The following CHST9 variants were observed in gnomAD, a reference collection of about 807,000 sequenced individuals.
CHST9 encodes GalNAc-4-sulfotransferase 2.
In CHST9, 41 loss-of-function variants were observed where a neutral mutation model predicts 44.4. That is an observed-to-expected ratio of 0.92 (90% CI 0.72 to 1.20). The LOEUF (loss-of-function observed/expected upper bound fraction) is 1.20, where lower values mean the gene tolerates loss of function less well. Among genes scored for constraint, CHST9 ranks in the 50% most tolerant of loss-of-function variants. The pLI is 0.00. For missense variants in CHST9, 504 were observed against 516.5 expected (o/e 0.98, Z 0.23); for synonymous variants, 171 against 178.4 (o/e 0.96, Z 0.33).
intron 2 of CHST9, among the ~76,000 whole-genome samples, chr18:27,093,723 G>A (rs1359825016): frequency 6.6e-6 from 1 of 152,198 alleles, no homozygotes; most frequent in Non-Finnish European, 1.5e-5. Context: ...GCCTTGCCCT[G>A]CTTCAGCTCG....
At chr18:27,121,382 C>T (rs181237850) in intron 2 of CHST9, among the ~76,000 whole-genome samples, 1 of 152,074 alleles carries the variant, frequency 6.6e-6, no homozygotes, top group African/African-American at 2.4e-5. Flanking sequence ...GCCCCTACTC[C>T]CCCTCCCTGT....
At chr18:27,017,611 G>A (rs1372005313) in intron 4 of CHST9, among the ~76,000 whole-genome samples, 1 of 152,142 alleles carries the variant, frequency 6.6e-6, no homozygotes, top group Admixed American at 6.5e-5. Context: ...GTAGAAGAAG[G>A]GTAGGGAGGT....
intron 4 of CHST9, among the ~76,000 whole-genome samples, chr18:26,992,940 T>C (rs1291791129): frequency 1.3e-5 from 2 of 152,236 alleles, no homozygotes; most frequent in Admixed American, 6.5e-5. Context: ...CTCTTTTGTT[T>C]AGTTGAAGTT....
chr18:26,992,392 C>T (rs2056828915), intron 4 of CHST9, among the ~76,000 whole-genome samples: 1 of 152,104 alleles, frequency 6.6e-6, no homozygotes, highest in Non-Finnish European at 1.5e-5. Context: ...TTATTTACCA[C>T]TGAAGCTCCT....
At chr18:27,172,533 C>T (rs781542396) in intron 1 of CHST9, among the ~76,000 whole-genome samples, 3 of 151,876 alleles carry the variant, frequency 2.0e-5, no homozygotes, top group Non-Finnish European at 4.4e-5. Flanking sequence ...TCCATCTCCA[C>T]AACAATTTGT....
chr18:27,163,526 T>C (rs1016234388), intron 1 of CHST9, among the ~76,000 whole-genome samples: 3 of 152,138 alleles, frequency 2.0e-5, no homozygotes, highest in African/African-American at 7.2e-5. Flanking sequence ...GGCGCCCCTC[T>C]CCCAGCCTCA....
Position 26,906,629 on chromosome 18 carries a change from C to G in CHST9, c.*9630G>C, listed in dbSNP as rs921592921. On this transcript the variant is annotated 3_prime_UTR_variant, in exon 6 of 6. Coordinates refer to ENST00000618847, the MANE Select transcript of CHST9 (RefSeq NM_031422.6). Reference sequence around the variant, plus strand: ...AGAAGTTAAAGCAATTTCAGAGGTCCCAACATTTGAAAGTTGAGGATACGG... The same window carrying G: ...AGAAGTTAAAGCAATTTCAGAGGTCGCAACATTTGAAAGTTGAGGATACGG... The G allele has an allele frequency of 6.6e-6, 1 of 152,124 alleles. No individual in the cohort carries two copies. The highest frequency in any genetic ancestry group is 2.1e-4 in the South Asian group (1 of 4,822). The allele number at this position is 152,124 out of a possible 1,614,324, so 9.4% of individuals were successfully genotyped here. A position where few individuals can be genotyped will look rare whatever the true frequency, so the allele number is the denominator to read the frequency against.
intron 4 of CHST9, among the ~76,000 whole-genome samples, chr18:26,983,487 C>T (rs769584193): frequency 1.4e-4 from 22 of 152,118 alleles, no homozygotes; most frequent in South Asian, 4.1e-4. Flanking sequence ...ATGCCTGCTC[C>T]CTCTTTGCCT....
intron 2 of CHST9, among the ~76,000 whole-genome samples, chr18:27,105,262 C>CT (rs1167873099): frequency 6.6e-6 from 1 of 152,102 alleles, no homozygotes; most frequent in East Asian, 1.9e-4. Flanking sequence ...TTGTTCAAAT[C>CT]TTTTTCCTCT....
intron 5 of CHST9, among the ~76,000 whole-genome samples, chr18:26,926,726 A>G (rs992466703): frequency 3.9e-5 from 6 of 152,190 alleles, no homozygotes; most frequent in Non-Finnish European, 5.9e-5. Context: ...TTGTTTTTTT[A>G]AAGAAACTCA....
intron 3 of CHST9, among the ~76,000 whole-genome samples, chr18:27,030,329 A>G (rs185144236): frequency 1.2e-3 from 176 of 152,350 alleles, no homozygotes; most frequent in African/African-American, 4.1e-3. Flanking sequence ...GTTGAGATTG[A>G]AAACTTTCTT....
At chr18:27,049,576 CAGCATCAGACAA>C (rs1300720326) in intron 2 of CHST9, among the ~76,000 whole-genome samples, 5 of 152,052 alleles carry the variant, frequency 3.3e-5, no homozygotes, top group Non-Finnish European at 7.4e-5. Context: ...CAGGCACTGA[CAGCATCAGACAA>C]ATCATCGAGG....
intron 5 of CHST9, among the ~76,000 whole-genome samples, chr18:26,923,012 T>C (rs2055691190): frequency 6.6e-6 from 1 of 152,242 alleles, no homozygotes; most frequent in Non-Finnish European, 1.5e-5. Flanking sequence ...AACACTGATA[T>C]GAATTATACT....
At chr18:27,158,854 A>G (rs2058720423) in intron 1 of CHST9, among the ~76,000 whole-genome samples, 1 of 152,190 alleles carries the variant, frequency 6.6e-6, no homozygotes, top group African/African-American at 2.4e-5. Context: ...TCTGATGGCC[A>G]GTGATGATGA....
intron 4 of CHST9, among the ~76,000 whole-genome samples, chr18:26,984,849 C>T (rs2056736139): frequency 6.6e-6 from 1 of 151,946 alleles, no homozygotes; most frequent in African/African-American, 2.4e-5. Flanking sequence ...TGAACAATGC[C>T]AAGTGTTAGT....
chr18:27,181,613 G>C (rs916072892), intron 1 of CHST9, among the ~76,000 whole-genome samples: 2 of 152,158 alleles, frequency 1.3e-5, no homozygotes, highest in Non-Finnish European at 2.9e-5. Context: ...AAAATGCAGT[G>C]TATTAATAGT....
intron 4 of CHST9, among the ~76,000 whole-genome samples, chr18:27,005,075 T>G (rs1426581672): frequency 1.3e-5 from 2 of 152,214 alleles, no homozygotes; most frequent in African/African-American, 4.8e-5. Flanking sequence ...TGATCACTTC[T>G]GATATTCCTA....
chr18:27,106,076 T>A (rs965407306), intron 2 of CHST9, among the ~76,000 whole-genome samples: 21 of 152,180 alleles, frequency 1.4e-4, no homozygotes, highest in Admixed American at 7.9e-4. Flanking sequence ...CTTATATAGT[T>A]AGAAACTTAA....
chr18:27,052,258 A>G (rs2057575739), intron 2 of CHST9, among the ~76,000 whole-genome samples: 1 of 139,134 alleles, frequency 7.2e-6, no homozygotes, highest in Admixed American at 7.3e-5. Flanking sequence ...GTGTGTGTAT[A>G]TATATATGTG....
Sources: allele counts gnomAD v4.1 joint callset (sites outside exome capture counted in the v4.1 genomes callset), GRCh38; gene constraint gnomAD v4.1.1; transcripts MANE v1.5; gene names NCBI Gene and HGNC (gene_info 2026-07-23, HGNC 2026-07-21).